The following GSTCD variants were observed in gnomAD, a reference collection of about 807,000 sequenced individuals.
The protein encoded by GSTCD is glutathione S-transferase C-terminal domain-containing protein.
GSTCD carries 44 observed loss-of-function variants against 68.3 expected under a neutral mutation model. That is an observed-to-expected ratio of 0.64 (90% confidence interval 0.51 to 0.83). The LOEUF (loss-of-function observed/expected upper bound fraction) is 0.83, where lower values mean the gene tolerates loss of function less well. Among genes scored for constraint, GSTCD ranks in the 40% least tolerant of loss-of-function variants. The pLI, the probability that GSTCD is intolerant of heterozygous loss-of-function variation, is 0.00. For missense variants in GSTCD, 739 were observed against 735.9 expected (o/e 1.00, Z -0.05); for synonymous variants, 273 against 255.2 (o/e 1.07, Z -0.67).
intron 5 of GSTCD, among the ~76,000 whole-genome samples, chr4:105,812,394 TCTCA>T (rs963283836): frequency 3.9e-5 from 6 of 152,060 alleles, no homozygotes; most frequent in African/African-American, 1.4e-4. Flanking sequence ...AGAGACAGGG[TCTCA>T]CTGTGTTGAC....
At chr4:105,788,169 ATACTT>A (rs748037184) in intron 5 of GSTCD, among the ~76,000 whole-genome samples, 1 of 152,002 alleles carries the variant, frequency 6.6e-6, no homozygotes, top group Non-Finnish European at 1.5e-5. Context: ...GGTTTCATAA[ATACTT>A]TATAAGGATG....
chr4:105,755,203 C>T (rs1006810735), intron 5 of GSTCD, among the ~76,000 whole-genome samples: 4 of 151,484 alleles, frequency 2.6e-5, no homozygotes, highest in African/African-American at 4.9e-5. Flanking sequence ...GCCATGATCA[C>T]ACCACTGCAC....
At chr4:105,775,672 G>A (rs1211570029) in intron 5 of GSTCD, among the ~76,000 whole-genome samples, 1 of 152,238 alleles carries the variant, frequency 6.6e-6, no homozygotes, top group Non-Finnish European at 1.5e-5. Flanking sequence ...GGTATCACCA[G>A]TGGAGGCTGC....
intron 5 of GSTCD, among the ~76,000 whole-genome samples, chr4:105,793,207 C>T (rs1049854819): frequency 2.6e-5 from 4 of 151,912 alleles, no homozygotes; most frequent in African/African-American, 4.8e-5. Flanking sequence ...ACATCTCTGA[C>T]CTATAACAAC....
intron 10 of GSTCD, among the ~76,000 whole-genome samples, chr4:105,841,537 G>C (rs140834576): frequency 1.3e-5 from 2 of 152,126 alleles, no homozygotes; most frequent in African/African-American, 2.4e-5. Context: ...CTATTCTTAA[G>C]AGCTACATCT....
chr4:105,740,495 C>G (rs982551548), intron 5 of GSTCD, among the ~76,000 whole-genome samples: 1 of 152,004 alleles, frequency 6.6e-6, no homozygotes, highest in Non-Finnish European at 1.5e-5. Context: ...CAGCGCTCTC[C>G]TTTAGTCATT....
intron 5 of GSTCD, among the ~76,000 whole-genome samples, chr4:105,785,495 A>G (rs1247000374): frequency 6.6e-6 from 1 of 152,178 alleles, no homozygotes; most frequent in East Asian, 1.9e-4. Context: ...ATATCGATTC[A>G]TGGATTTTTA....
At chr4:105,793,774 A>T (rs767282089) in intron 5 of GSTCD, among the ~76,000 whole-genome samples, 2 of 152,036 alleles carry the variant, frequency 1.3e-5, no homozygotes, top group Non-Finnish European at 2.9e-5. Context: ...TAATGAATTT[A>T]TGGTTACTTT....
At chr4:105,782,549 T>C (rs1278407746) in intron 5 of GSTCD, among the ~76,000 whole-genome samples, 4 of 151,968 alleles carry the variant, frequency 2.6e-5, no homozygotes, top group East Asian at 3.9e-4. Flanking sequence ...AAAAACATCA[T>C]TCATGGCTTC....
At chr4:105,823,379 G>A in intron 7 of GSTCD, 104 bp downstream of exon 7, 1 of 861,534 alleles carries the variant, frequency 1.2e-6, no homozygotes. Context: ...ACTCACCCAA[G>A]TCAAATATGT....
At chr4:105,761,201 A>C (rs1734399005) in intron 5 of GSTCD, 1 of 176,956 alleles carries the variant, frequency 5.7e-6, no homozygotes, top group African/African-American at 2.4e-5. Flanking sequence ...ATGAAGTTTC[A>C]CCATATTGGC....
intron 9 of GSTCD, among the ~76,000 whole-genome samples, chr4:105,835,766 A>G (rs1334638497): frequency 1.3e-5 from 2 of 152,166 alleles, no homozygotes; most frequent in Non-Finnish European, 2.9e-5. Flanking sequence ...CTTGTCCCAA[A>G]TCGAGGAAGA....
chr4:105,731,194 G>T (rs1465473690), intron 5 of GSTCD, among the ~76,000 whole-genome samples: 4 of 152,130 alleles, frequency 2.6e-5, no homozygotes, highest in African/African-American at 7.2e-5. Context: ...TTTTGGCTTA[G>T]GATTGTCTTG....
At chr4:105,786,309 G>A (rs1335549372) in intron 5 of GSTCD, among the ~76,000 whole-genome samples, 1 of 151,940 alleles carries the variant, frequency 6.6e-6, no homozygotes, top group African/African-American at 2.4e-5. Flanking sequence ...ACAGGAGTTC[G>A]AGACAACCTT....
intron 2 of GSTCD, among the ~76,000 whole-genome samples, chr4:105,718,787 G>A (rs938618852): frequency 9.9e-5 from 15 of 152,164 alleles, no homozygotes; most frequent in African/African-American, 3.6e-4. Context: ...TGCTTATTGT[G>A]GGGGCTAGGA....
chr4:105,740,543 G>A (rs189646773), intron 5 of GSTCD, among the ~76,000 whole-genome samples: 92 of 152,202 alleles, frequency 6.0e-4, no homozygotes, highest in African/African-American at 2.2e-3. Flanking sequence ...TGTTTAGGCT[G>A]TTTTTGTGGT....
intron 5 of GSTCD, among the ~76,000 whole-genome samples, chr4:105,732,291 G>A (rs1352685517): frequency 6.6e-6 from 1 of 152,172 alleles, no homozygotes; most frequent in African/African-American, 2.4e-5. Context: ...TGTACCTCTG[G>A]TAGAATTCGG....
chr4:105,718,798 G>A (rs1345980104), intron 2 of GSTCD, among the ~76,000 whole-genome samples: 1 of 152,124 alleles, frequency 6.6e-6, no homozygotes, highest in East Asian at 1.9e-4. Flanking sequence ...GGGGCTAGGA[G>A]GAGGGTAGGA....
chr4:105,715,215 T>A (rs1732647756), intron 1 of GSTCD, among the ~76,000 whole-genome samples: 2 of 152,152 alleles, frequency 1.3e-5, no homozygotes, highest in Non-Finnish European at 2.9e-5. Context: ...TTGTTACAGA[T>A]CTCACTTTGT....
Sources: gnomAD v4.1 joint callset for allele counts (sites outside exome capture counted in the v4.1 genomes callset) on GRCh38, gnomAD v4.1.1 for gene constraint, MANE v1.5 for transcripts, NCBI Gene and HGNC (gene_info 2026-07-23, HGNC 2026-07-21) for gene names.